Variants in QTGAL observed in about 807,000 individuals in gnomAD.
QTGAL encodes BGnT-like protein 1.
At chr17:82,947,006 C>G in the QTGAL span, 1 of 1,551,192 alleles carries the variant, frequency 6.4e-7, no homozygotes, top group African/African-American at 1.4e-5. Flanking sequence ...GCAGATTCAG[C>G]TCAGTCCGGT....
the QTGAL span, among the ~76,000 whole-genome samples, chr17:83,032,096 G>A: frequency 7.0e-6 from 1 of 142,836 alleles, no homozygotes; most frequent in African/African-American, 2.7e-5. Context: ...GGTCAGACCA[G>A]GCCAGGCCTC....
At chr17:83,025,954 T>C in the QTGAL span, among the ~76,000 whole-genome samples, 1 of 152,222 alleles carries the variant, frequency 6.6e-6, no homozygotes, top group Non-Finnish European at 1.5e-5. Flanking sequence ...CCTAAGCCAA[T>C]GGCTCAGGGA....
chr17:83,005,860 C>A, the QTGAL span: 1 of 1,374,168 alleles, frequency 7.3e-7, no homozygotes. This position sits in a 1 kb window ranked among gnomAD's most constrained non-coding sequence, Gnocchi z 5.6. Context: ...GCCCTCCGCC[C>A]TGCCCGGCCC....
At chr17:83,011,007 G>A in the QTGAL span, among the ~76,000 whole-genome samples, 1 of 152,258 alleles carries the variant, frequency 6.6e-6, no homozygotes, top group Non-Finnish European at 1.5e-5. Flanking sequence ...GGTCTTGAAC[G>A]TTGGGAACAG....
At chr17:83,051,494 G>A in the QTGAL span, among the ~76,000 whole-genome samples, 1 of 152,222 alleles carries the variant, frequency 6.6e-6, no homozygotes, top group Non-Finnish European at 1.5e-5. Context: ...GACGGGGGCA[G>A]GAAGCGCAGC....
At chr17:83,048,632 C>A in the QTGAL span, 5 of 1,607,072 alleles carry the variant, frequency 3.1e-6, no homozygotes, top group Admixed American at 5.0e-5. Context: ...GTTGCTTACA[C>A]TGGGGCTGAG....
At chr17:83,035,180 TTC>T in the QTGAL span, 2 of 1,246,578 alleles carry the variant, frequency 1.6e-6, no homozygotes, top group African/African-American at 1.6e-5. Context: ...GTATATGATA[TTC>T]TTTTTTTTTT....
At chr17:83,049,358 G>C in the QTGAL span, among the ~76,000 whole-genome samples, 1 of 151,752 alleles carries the variant, frequency 6.6e-6, no homozygotes, top group Non-Finnish European at 1.5e-5. Context: ...ACATCATTTT[G>C]GTTGAAACAA....
At chr17:83,051,053 G>A in the QTGAL span, among the ~76,000 whole-genome samples, 1 of 151,294 alleles carries the variant, frequency 6.6e-6, no homozygotes, top group African/African-American at 2.4e-5. Flanking sequence ...ACGGGGAGGT[G>A]TGCAGACCAG....
chr17:83,020,474 C>CA, the QTGAL span, among the ~76,000 whole-genome samples: 1 of 152,162 alleles, frequency 6.6e-6, no homozygotes, highest in Non-Finnish European at 1.5e-5. Flanking sequence ...TAAAACAAAA[C>CA]AAAATGCCTG....
chr17:82,956,573 A>G, the QTGAL span: 1 of 1,152,892 alleles, frequency 8.7e-7, no homozygotes, highest in Non-Finnish European at 1.2e-6. This position sits in a 1 kb window ranked among gnomAD's most constrained non-coding sequence, Gnocchi z 5.7. Flanking sequence ...ACCTGTCCCC[A>G]TGCCCACCAT....
chr17:82,957,661 G>A, the QTGAL span, among the ~76,000 whole-genome samples: 1 of 152,178 alleles, frequency 6.6e-6, no homozygotes, highest in Non-Finnish European at 1.5e-5. Context: ...ACCTGCCCCA[G>A]CTGGACGTAG....
the QTGAL span, chr17:83,006,392 ACTTT>A: frequency 1.0e-6 from 1 of 985,410 alleles, no homozygotes; most frequent in Non-Finnish European, 1.2e-6. This position sits in a 1 kb window ranked among gnomAD's most constrained non-coding sequence, Gnocchi z 5.8. Context: ...AATTAAACTT[ACTTT>A]GAGAAAATTG....
the QTGAL span, among the ~76,000 whole-genome samples, chr17:82,998,166 C>T: frequency 6.6e-6 from 1 of 151,846 alleles, no homozygotes; most frequent in African/African-American, 2.4e-5. Context: ...GTGACGGATA[C>T]CCCATTTACC....
At chr17:83,025,166 G>A in the QTGAL span, among the ~76,000 whole-genome samples, 16 of 96,088 alleles carry the variant, frequency 1.7e-4, 1 homozygote, top group South Asian at 1.2e-3. Flanking sequence ...CAGACACCGC[G>A]GAGTCCACAC....
chr17:82,989,727 C>T, the QTGAL span, among the ~76,000 whole-genome samples: 1 of 152,080 alleles, frequency 6.6e-6, no homozygotes, highest in African/African-American at 2.4e-5. Context: ...AAATGAATTA[C>T]AGCTCTGTAA....
At chr17:83,031,800 C>T in the QTGAL span, among the ~76,000 whole-genome samples, 1 of 152,218 alleles carries the variant, frequency 6.6e-6, no homozygotes, top group African/African-American at 2.4e-5. Flanking sequence ...CGCTAGAGGT[C>T]AGGAACCGAA....
At chr17:82,992,623 A>C in the QTGAL span, among the ~76,000 whole-genome samples, 28 of 152,214 alleles carry the variant, frequency 1.8e-4, no homozygotes, top group Admixed American at 5.2e-4. Context: ...AATCACCTGA[A>C]GGTACAAAAC....
chr17:83,038,409 A>G, the QTGAL span, among the ~76,000 whole-genome samples: 2 of 152,312 alleles, frequency 1.3e-5, no homozygotes, highest in East Asian at 3.9e-4. Context: ...CTCAAGTTAG[A>G]GCTAATCTAT....
Sources: allele counts gnomAD v4.1 joint callset (sites outside exome capture counted in the v4.1 genomes callset), GRCh38; gene constraint gnomAD v4.1.1; non-coding constraint Gnocchi (gnomAD v3.1); transcripts MANE v1.5; gene names NCBI Gene and HGNC (gene_info 2026-07-23, HGNC 2026-07-21).